TRIM22: variants seen among roughly 807,000 people sequenced by gnomAD.
The protein encoded by TRIM22 is E3 ubiquitin-protein ligase TRIM22.
TRIM22 carries 45 observed loss-of-function variants against 53.6 expected under a neutral mutation model. The observed-to-expected ratio is 0.84, with a 90% CI of 0.66 to 1.08. TRIM22 has a LOEUF of 1.08. Ranked by LOEUF, TRIM22 falls within the 50% of genes least tolerant of loss-of-function variation. The probability of loss-of-function intolerance (pLI) is 0.00; values close to 1 mark genes in which losing one functional copy is unlikely to be tolerated. For synonymous variants in TRIM22, 225 were observed against 216.6 expected, an observed-to-expected ratio of 1.04 and a Z score of -0.34; for missense variants, 616 against 590.9, an observed-to-expected ratio of 1.04 and a Z score of -0.44.
intron 4 of TRIM22, among the ~76,000 whole-genome samples, chr11:5,703,150 G>C (rs1853399305): frequency 1.3e-5 from 2 of 152,128 alleles, no homozygotes; most frequent in South Asian, 4.1e-4. Context: ...CCATCACCCA[G>C]GTAATGAGCA....
chr11:5,693,991 G>C (rs887274789), intron 1 of TRIM22, among the ~76,000 whole-genome samples: 1 of 152,110 alleles, frequency 6.6e-6, no homozygotes, highest in Non-Finnish European at 1.5e-5. Flanking sequence ...TTGGCTTATA[G>C]GTGCATCACC....
intron 1 of TRIM22, among the ~76,000 whole-genome samples, chr11:5,694,896 G>A (rs1039894155): frequency 1.3e-4 from 20 of 152,038 alleles, no homozygotes; most frequent in African/African-American, 4.6e-4. Flanking sequence ...CTTCTTCACT[G>A]GAAACCATAA....
At position 5,709,469 on chromosome 11, in the gene TRIM22, C is replaced by G. The variant is rs1237791970; in HGVS notation, c.1318C>G (p.Pro440Ala). 1.2e-6 allele frequency: 2 copies of G among 1,614,166 alleles called. No individual in the cohort carries two copies. The highest frequency in any genetic ancestry group is 3.3e-5 in the Admixed American group (2 of 60,024). The stretch of plus-strand genomic sequence containing the variant: ...TTTGACTCTCTTTATGGCTGTGCCT[C>G]CCTGTCGTATTGGGGTTTTCCTAGA... ...KVLTLFMAVP[P>A]CRIGVFLDYE... The change falls in exon 8 of 8, where the codon CCC (proline) becomes GCC (alanine). Residue 440 changes from proline (P) to alanine (A), a missense_variant. Physicochemically the swap from Pro to Ala is conservative, Grantham distance 27. Coordinates refer to ENST00000379965, the MANE Select transcript of TRIM22 (RefSeq NM_006074.5).
chr11:5,700,584 CTTTTTTTTT>C (rs756680023), intron 4 of TRIM22, among the ~76,000 whole-genome samples: 1 of 29,926 alleles, frequency 3.3e-5, no homozygotes, highest in South Asian at 1.2e-3. Context: ...CTATAGGAGT[CTTTTTTTTT>C]TTTTTTTTTT....
chr11:5,697,358 C>T lies in TRIM22; in HGVS notation c.519+15C>T. 1 of 1,594,006 alleles carries T rather than the reference C, an allele frequency of 6.3e-7. No homozygotes were observed. The highest frequency in any genetic ancestry group is 8.6e-7 in the Non-Finnish European group (1 of 1,166,140). On this transcript the variant is annotated intron_variant, in intron 3 of 7. Transcript: ENST00000379965. ...CCGCCTGGAAGGCAGGAGGAGACAC[C>T]TCCTAAGGGATAATTAGACAGGAAT...
intron 1 of TRIM22, among the ~76,000 whole-genome samples, chr11:5,692,932 G>A (rs190826108): frequency 4.5e-3 from 665 of 147,308 alleles, no homozygotes; most frequent in Middle Eastern, 0.021. Flanking sequence ...CTGGAGTGCA[G>A]TGGTGTGATC....
At chr11:5,700,650 T>C (rs1272079717) in intron 4 of TRIM22, among the ~76,000 whole-genome samples, 1 of 150,394 alleles carries the variant, frequency 6.6e-6, no homozygotes, top group East Asian at 2.0e-4. Flanking sequence ...TTTTCTTTTT[T>C]TTGAGACGCA....
At chr11:5,697,179 C>A in intron 2 of TRIM22, 69 bp from the exon 3 acceptor site, 1 of 1,220,124 alleles carries the variant, frequency 8.2e-7, no homozygotes, top group South Asian at 1.5e-5. Context: ...CCAATTTCTT[C>A]CTTGCTGTCC....
intron 1 of TRIM22, among the ~76,000 whole-genome samples, chr11:5,692,498 G>A (rs1853188537): frequency 6.6e-6 from 1 of 152,178 alleles, no homozygotes; most frequent in Admixed American, 6.5e-5. Flanking sequence ...ACTAAACCCT[G>A]GACATTTTAG....
intron 1 of TRIM22, 57 bp downstream of exon 1, chr11:5,689,956 A>T (rs1467458856): frequency 1.3e-5 from 2 of 152,358 alleles, no homozygotes. Context: ...GAATAGATTG[A>T]TTGTGTCTGG....
chr11:5,698,438 A>G lies in TRIM22; in HGVS notation c.643A>G (p.Asn215Asp). The G allele has an allele frequency of 6.2e-7, 1 of 1,614,124 alleles. No homozygotes were observed. Among genetic ancestry groups the G allele is most frequent in the East Asian group, 2.2e-5 (1 of 44,884 alleles). The change falls in exon 4 of 8, where the codon AAC becomes GAC. Residue 215 changes from asparagine to aspartate, a missense_variant. Physicochemically the swap from Asn to Asp is conservative, Grantham distance 23. Transcript: ENST00000379965. Reference sequence around the variant, plus strand: ...GGAAGGTGAGGTGAATGTGCTGGATAACCTGGCAGCAGCTACAGACCAGCT... The same window carrying G: ...GGAAGGTGAGGTGAATGTGCTGGATGACCTGGCAGCAGCTACAGACCAGCT... ...LEEGEVNVLD[N>D]LAAATDQLVQ...
chr11:5,701,853 A>G (rs1255922854), intron 4 of TRIM22, among the ~76,000 whole-genome samples: 3 of 152,064 alleles, frequency 2.0e-5, no homozygotes, highest in African/African-American at 7.2e-5. Flanking sequence ...TAAAAACCAT[A>G]CAGTTTGTGC....
intron 1 of TRIM22, among the ~76,000 whole-genome samples, chr11:5,690,859 A>C (rs1489249135): frequency 6.6e-6 from 1 of 152,206 alleles, no homozygotes. Flanking sequence ...GAGAGCCCTT[A>C]TCTGGATCTG....
intron 4 of TRIM22, among the ~76,000 whole-genome samples, chr11:5,705,736 A>G (rs1359218084): frequency 1.2e-4 from 18 of 152,234 alleles, no homozygotes; most frequent in Non-Finnish European, 7.4e-5. Context: ...AAAATGTTGG[A>G]ATCCAGGATA....
rs752405115 is a variant in TRIM22 at position 5,709,143 on chromosome 11, T to A, written c.992T>A (p.Phe331Tyr). 6 of 1,614,090 alleles carry A rather than the reference T, an allele frequency of 3.7e-6. No homozygotes were observed. The African/African-American group carries it at 8.0e-5, about 22-fold the overall frequency. ...RQVKTVRTCT[F>Y]KNSNPCDFSA... ...GTGAAAACTGTACGCACCTGCACATTTAAGAATTCAAATCCATGTGATTTT... is the reference window on the plus strand; with the variant it reads ...GTGAAAACTGTACGCACCTGCACATATAAGAATTCAAATCCATGTGATTTT... Residue 331 changes from phenylalanine to tyrosine, a missense_variant, in exon 8 of 8, where the codon TTT becomes TAT. Phe to Tyr is a conservative substitution (Grantham distance 22). Coordinates refer to ENST00000379965, the MANE Select transcript of TRIM22 (RefSeq NM_006074.5).
At position 5,709,511 on chromosome 11, in the gene TRIM22, G is replaced by C; in HGVS notation, c.1360G>C (p.Val454Leu). The change falls in exon 8 of 8, where the codon GTC becomes CTC. Residue 454 changes from valine (V) to leucine (L), a missense_variant. Transcript: ENST00000379965. Reference sequence around the variant, plus strand: ...TTTCCTAGACTATGAGGCAGGCATTGTCTCATTTTTCAATGTCACAAACCA... The same window carrying C: ...TTTCCTAGACTATGAGGCAGGCATTCTCTCATTTTTCAATGTCACAAACCA... Reference protein sequence around the residue: ...GVFLDYEAGIVSFFNVTNHGA... With the variant: ...GVFLDYEAGILSFFNVTNHGA... 1.9e-6 allele frequency: 3 copies of C among 1,614,106 alleles called. No individual in the cohort carries two copies. The highest frequency in any genetic ancestry group is 2.5e-6 in the Non-Finnish European group (3 of 1,180,018).
Position 5,696,183 on chromosome 11 carries a change from G to C in TRIM22, c.-50G>C. The stretch of plus-strand genomic sequence containing the variant: ...CATTCTCAGCACTGCAGGAGTTTGT[G>C]ACCAAGAACTTCAAGAGTCAAGACA... On this transcript the variant is annotated 5_prime_UTR_variant, in exon 2 of 8. Transcript: ENST00000379965. 2.6e-6 allele frequency: 4 copies of C among 1,541,542 alleles called. No individual in the cohort carries two copies. Among genetic ancestry groups the C allele is most frequent in the Non-Finnish European group, 3.5e-6 (4 of 1,143,864 alleles).
At chr11:5,693,061 T>TA (rs1460338301) in intron 1 of TRIM22, among the ~76,000 whole-genome samples, 2 of 151,342 alleles carry the variant, frequency 1.3e-5, no homozygotes, top group South Asian at 4.2e-4. Flanking sequence ...TATATATATA[T>TA]TTTTTAGTAG....
intron 4 of TRIM22, among the ~76,000 whole-genome samples, chr11:5,703,998 T>C (rs951332457): frequency 1.3e-5 from 2 of 152,138 alleles, no homozygotes; most frequent in Non-Finnish European, 2.9e-5. Flanking sequence ...AATTAACAGA[T>C]GCTAGTGAGG....
Sources: allele counts gnomAD v4.1 joint callset (sites outside exome capture counted in the v4.1 genomes callset), GRCh38; gene constraint gnomAD v4.1.1; transcripts MANE v1.5; gene names NCBI Gene and HGNC (gene_info 2026-07-23, HGNC 2026-07-21).